Variants in PRKDC observed in about 807,000 individuals in gnomAD.
PRKDC encodes the protein protein kinase, DNA-activated, catalytic subunit, also known as DNA-dependent protein kinase catalytic subunit.
In PRKDC, 82 loss-of-function variants were observed where a neutral mutation model predicts 486.9. The ratio of observed to expected loss-of-function variants is 0.17; its 90% confidence interval spans 0.14 to 0.20. PRKDC has a LOEUF of 0.20. Among genes scored for constraint, PRKDC ranks in the 10% least tolerant of loss-of-function variants. The pLI is 1.00. For synonymous variants in PRKDC, 1,895 were observed against 1,837.0 expected (o/e 1.03, Z -0.81); for missense variants, 4,504 against 5,038.2 (o/e 0.89, Z 3.21).
At position 47,778,495 on chromosome 8, in the gene PRKDC, C is replaced by A; in HGVS notation, c.11817G>T (p.Gly3939=). ...MVAMETGGVI[G]IDFGHAFGSA... is the part of the protein sequence containing the mutation. ...ATCCAAACGCATGCCCAAAGTCGAT[C>A]CCGATCACGCCGCCAGTCTCCATGG... is the stretch of plus-strand genomic sequence containing the variant. The change falls in exon 83 of 86, where the codon GGG becomes GGT. Residue 3939 remains glycine, a synonymous_variant. Transcript: ENST00000314191. 1 of 1,613,586 alleles carries A rather than the reference C, an allele frequency of 6.2e-7. No individual in the cohort carries two copies. Among genetic ancestry groups the A allele is most frequent in the Non-Finnish European group, 8.5e-7 (1 of 1,179,740 alleles).
chr8:47,906,631 A>G (rs1332410623), intron 25 of PRKDC, among the ~76,000 whole-genome samples: 1 of 151,222 alleles, frequency 6.6e-6, no homozygotes, highest in African/African-American at 2.4e-5. Flanking sequence ...TCAAAAAAAA[A>G]AAAAGTAAAA....
Position 47,782,041 on chromosome 8 carries a change from G to T in PRKDC, c.11489+121C>A. Reference sequence around the variant, plus strand: ...GCACTCCATTTGGTTTATTGACCCAGCCAGCAGACTGCGGGGCAGGCAGTG... The same window carrying T: ...GCACTCCATTTGGTTTATTGACCCATCCAGCAGACTGCGGGGCAGGCAGTG... On this transcript the variant is annotated intron_variant, in intron 80 of 85. Coordinates refer to ENST00000314191, the MANE Select transcript of PRKDC (RefSeq NM_006904.7). This position sits in a 1 kb window ranked among gnomAD's most constrained non-coding sequence, Gnocchi z 4.9. 1 of 783,466 alleles carries T rather than the reference G, an allele frequency of 1.3e-6. No homozygotes were observed. Among genetic ancestry groups the T allele is most frequent in the Non-Finnish European group, 2.1e-6 (1 of 476,310 alleles). 48.5% of individuals were successfully genotyped at this position (783,466 alleles called of 1,614,324 possible). A position where few individuals can be genotyped will look rare whatever the true frequency, so the allele number is the denominator to read the frequency against.
chr8:47,949,924 C>G (rs2090600524), intron 7 of PRKDC, among the ~76,000 whole-genome samples: 1 of 152,072 alleles, frequency 6.6e-6, no homozygotes, highest in Non-Finnish European at 1.5e-5. Flanking sequence ...AAGTTTCAAC[C>G]TAATGGAAGA....
intron 61 of PRKDC, among the ~76,000 whole-genome samples, chr8:47,830,168 G>A (rs943285684): frequency 1.3e-5 from 2 of 152,162 alleles, no homozygotes; most frequent in Non-Finnish European, 2.9e-5. Flanking sequence ...ACCATAAAGA[G>A]ATAAGTCACT....
intron 40 of PRKDC, among the ~76,000 whole-genome samples, chr8:47,871,506 G>A (rs557673562): frequency 5.9e-5 from 9 of 152,334 alleles, no homozygotes; most frequent in African/African-American, 2.2e-4. Context: ...CTTCAAGCAT[G>A]AAGACTTTCC....
chr8:47,944,206 G>A (rs1030132918), intron 7 of PRKDC, among the ~76,000 whole-genome samples, 177 bp from the exon 8 acceptor site: 2 of 152,156 alleles, frequency 1.3e-5, no homozygotes, highest in African/African-American at 4.8e-5. Flanking sequence ...GGTTATGACT[G>A]CGAGAAAACA....
intron 21 of PRKDC, among the ~76,000 whole-genome samples, chr8:47,923,472 C>A (rs370089473): frequency 2.0e-5 from 3 of 152,218 alleles, no homozygotes; most frequent in Admixed American, 6.5e-5. Flanking sequence ...GTGTCTTTGA[C>A]AGAAGAGGCC....
At chr8:47,946,508 C>T (rs1288966339) in intron 7 of PRKDC, among the ~76,000 whole-genome samples, 3 of 152,124 alleles carry the variant, frequency 2.0e-5, no homozygotes, top group Non-Finnish European at 4.4e-5. Flanking sequence ...CCACCACTTA[C>T]TGCCAGTTCC....
intron 51 of PRKDC, 98 bp downstream of exon 51, chr8:47,853,985 G>T: frequency 7.0e-7 from 1 of 1,438,670 alleles, no homozygotes; most frequent in Non-Finnish European, 9.5e-7. Context: ...TTTGTAGCAT[G>T]GGTCTGGTCC....
chr8:47,789,183 C>A lies in PRKDC; in HGVS notation c.10726G>T (p.Asp3576Tyr). 6.2e-7 allele frequency: 1 copy of A among 1,610,266 alleles called. No individual in the cohort carries two copies. The highest frequency in any genetic ancestry group is 1.1e-5 in the South Asian group (1 of 89,936). Residue 3576 changes from aspartate to tyrosine, a missense_variant, in exon 75 of 86, where the codon GAT becomes TAT. By Grantham distance (160) the Asp-to-Tyr change is radical. Transcript: ENST00000314191. ...AGCAGTTCAGGATTAGAGAGCTGAT[C>A]TAAGGCATTAATAAAATCTTGAATC... ...GVIQDFINALDQLSNPELLFK... is the reference protein window; with the variant it reads ...GVIQDFINALYQLSNPELLFK...
Position 47,830,715 on chromosome 8 carries a change from T to C in PRKDC, c.8287A>G (p.Met2763Val). The C allele has an allele frequency of 6.2e-7, 1 of 1,613,928 alleles. No individual in the cohort carries two copies. The highest frequency in any genetic ancestry group is 8.5e-7 in the Non-Finnish European group (1 of 1,179,872). Residue 2763 changes from methionine (M) to valine (V), a missense_variant, in exon 61 of 86, where the codon ATG becomes GTG. This residue lies in a region of PRKDC where 1,592 missense variants were observed against 1,724.6 expected (regional missense o/e 0.92). Transcript: ENST00000314191. ...REKEIKSELK[M>V]KQDAQVVLYR... ...AGAACGACCTGGGCATCCTGCTTCA[T>C]TTTTAACTCACTCTTGATTTCCTAT...
At chr8:47,776,458 C>G (rs1283209531) in intron 85 of PRKDC, among the ~76,000 whole-genome samples, 11 of 152,186 alleles carry the variant, frequency 7.2e-5, no homozygotes, top group African/African-American at 2.7e-4. Flanking sequence ...CCACACAGTG[C>G]TTTTCATACC....
chr8:47,834,350 C>A lies in PRKDC; in HGVS notation c.7998G>T (p.Pro2666=). 7 of 1,613,930 alleles carry A rather than the reference C, an allele frequency of 4.3e-6. No homozygotes were observed. Among genetic ancestry groups the A allele is most frequent in the Non-Finnish European group, 5.9e-6 (7 of 1,179,892 alleles). The part of the protein sequence containing the change: ...FDWLTGSSTD[P]LVDHTSPSSD... Reference sequence around the variant, plus strand: ...ATGAGGGACTGGTGTGGTCGACCAGCGGGTCAGTGCTGCTCCCGGTCAGCC... The same window carrying A: ...ATGAGGGACTGGTGTGGTCGACCAGAGGGTCAGTGCTGCTCCCGGTCAGCC... Residue 2666 remains proline (P), a synonymous_variant, in exon 59 of 86, where the codon CCG becomes CCT. Transcript: ENST00000314191.
At chr8:47,944,725 C>CT (rs1416191699) in intron 7 of PRKDC, among the ~76,000 whole-genome samples, 2 of 152,226 alleles carry the variant, frequency 1.3e-5, no homozygotes, top group African/African-American at 4.8e-5. Context: ...TTATTCATCA[C>CT]TAATTTCTCT....
At chr8:47,951,918 C>T (rs759007045) in intron 7 of PRKDC, among the ~76,000 whole-genome samples, 4 of 152,136 alleles carry the variant, frequency 2.6e-5, no homozygotes, top group African/African-American at 4.8e-5. Context: ...GATATCCCTT[C>T]GCAACCATTA....
chr8:47,849,627 G>A, intron 52 of PRKDC, 124 bp from the exon 53 acceptor site: 1 of 1,082,266 alleles, frequency 9.2e-7, no homozygotes, highest in East Asian at 2.6e-5. Flanking sequence ...CACCTACAAG[G>A]TAGATGATGG....
chr8:47,811,578 G>A (rs2087326368), intron 68 of PRKDC, among the ~76,000 whole-genome samples: 1 of 152,200 alleles, frequency 6.6e-6, no homozygotes, highest in Admixed American at 6.5e-5. Flanking sequence ...ACTGTTGAAA[G>A]TACAGTGTTA....
chr8:47,951,417 T>C (rs899373584), intron 7 of PRKDC, among the ~76,000 whole-genome samples: 4 of 151,260 alleles, frequency 2.6e-5, no homozygotes, highest in South Asian at 2.1e-4. Flanking sequence ...TCATGTATCA[T>C]GTATCTGTTA....
Position 47,802,691 on chromosome 8 carries a change from C to T in PRKDC, c.9922+615G>A, listed in dbSNP as rs151209458. 9.1e-4 allele frequency among the ~76,000 whole-genome samples: 138 copies of T among 151,536 alleles called. 3 individuals are homozygous for T. In the East Asian group the frequency reaches 0.017, roughly 18 times the overall value. ...TTTTTGAGATGGAGTCTTTCTCTGT[C>T]GTCCAGGGTGGAGTGCAGTGGCGTG... is the stretch of plus-strand genomic sequence containing the variant. On this transcript the variant is annotated intron_variant, in intron 70 of 85. Coordinates refer to ENST00000314191, the MANE Select transcript of PRKDC (RefSeq NM_006904.7).
Sources: allele counts gnomAD v4.1 joint callset (sites outside exome capture counted in the v4.1 genomes callset), GRCh38; gene constraint gnomAD v4.1.1; regional missense constraint gnomAD v4.1.1; non-coding constraint Gnocchi (gnomAD v3.1); transcripts MANE v1.5; gene names NCBI Gene and HGNC (gene_info 2026-07-23, HGNC 2026-07-21).